PRKCA: variants seen among roughly 807,000 people sequenced by gnomAD.
PRKCA encodes protein kinase C alpha, also known as protein kinase C alpha type.
A neutral mutation model predicts 87.0 loss-of-function variants in PRKCA; 27 were observed. The ratio of observed to expected loss-of-function variants is 0.31; its 90% CI spans 0.23 to 0.43. The LOEUF (loss-of-function observed/expected upper bound fraction) is 0.43. PRKCA is among the 20% of genes least tolerant of loss of function. The probability of loss-of-function intolerance (pLI) is 1.00; values close to 1 mark genes in which losing one functional copy is unlikely to be tolerated. For synonymous variants in PRKCA, 329 were observed against 311.1 expected (o/e 1.06, Z -0.61); for missense variants, 518 against 852.3 (o/e 0.61, Z 4.88).
chr17:66,403,595 T>A (rs1911165112), intron 2 of PRKCA: 1 of 152,170 alleles, frequency 6.6e-6, no homozygotes, highest in Non-Finnish European at 1.5e-5. Flanking sequence ...TAAGTGAAAG[T>A]TTTTTTCAGG....
intron 2 of PRKCA, among the ~76,000 whole-genome samples, chr17:66,473,611 A>G (rs1002772943): frequency 6.6e-6 from 1 of 152,206 alleles, no homozygotes; most frequent in Non-Finnish European, 1.5e-5. Flanking sequence ...TAACTGCAGT[A>G]GCTACTATTA....
chr17:66,511,435 A>T (rs2144173474), intron 3 of PRKCA, among the ~76,000 whole-genome samples: 1 of 152,336 alleles, frequency 6.6e-6, no homozygotes, highest in South Asian at 2.1e-4. Flanking sequence ...TCTCTTTTGC[A>T]TTTGCTCAGT....
chr17:66,765,477 CATAT>C (rs200251171), intron 13 of PRKCA, among the ~76,000 whole-genome samples: 1 of 45,966 alleles, frequency 2.2e-5, no homozygotes, highest in East Asian at 4.9e-4. Context: ...CATATTTGTC[CATAT>C]ATATATATTT....
In PRKCA at chr17:66,443,023, G is replaced by A. The variant is rs139647182; in HGVS notation, c.206-53178G>A. On this transcript the variant is annotated intron_variant, in intron 2 of 16. Transcript: ENST00000413366. The stretch of plus-strand genomic sequence containing the variant: ...GTCCCTTTTTTGGTTATCATCTGAC[G>A]TTTGTGCAGCTACACACATCATATC... Among the ~76,000 whole-genome samples, 22 of 152,264 alleles carry A rather than the reference G, an allele frequency of 1.4e-4. No individual in the cohort carries two copies. The East Asian group carries it at 3.1e-3, about 21-fold the overall frequency.
At chr17:66,335,689 A>G (rs1269537242) in intron 2 of PRKCA, among the ~76,000 whole-genome samples, 3 of 152,064 alleles carry the variant, frequency 2.0e-5, no homozygotes, top group Non-Finnish European at 2.9e-5. Flanking sequence ...CATTACATAT[A>G]TTTTGAAAAT....
At chr17:66,468,077 A>G (rs1915164917) in intron 2 of PRKCA, among the ~76,000 whole-genome samples, 1 of 152,262 alleles carries the variant, frequency 6.6e-6, no homozygotes, top group South Asian at 2.1e-4. Context: ...TATTTCTTCT[A>G]TGCAACTAAA....
In PRKCA at chr17:66,687,173, C is replaced by T; in HGVS notation, c.592C>T (p.Leu198=). The change falls in exon 6 of 17, where the codon CTG becomes TTG. Residue 198 remains leucine (L), a synonymous_variant. Transcript: ENST00000413366. ...CGGGCTTTCAGATCCTTATGTGAAG[C>T]TGAAACTTATTCCTGATCCCAAGAA... is the stretch of plus-strand genomic sequence containing the variant. ...PNGLSDPYVK[L]KLIPDPKNES... 5 of 1,613,952 alleles carry T rather than the reference C, an allele frequency of 3.1e-6. No individual in the cohort carries two copies. Among genetic ancestry groups the T allele is most frequent in the Non-Finnish European group, 4.2e-6 (5 of 1,179,850 alleles).
intron 3 of PRKCA, among the ~76,000 whole-genome samples, chr17:66,497,513 T>C (rs1403857997): frequency 6.8e-6 from 1 of 147,726 alleles, no homozygotes; most frequent in Admixed American, 6.7e-5. Flanking sequence ...AAAAAAAGGA[T>C]CCACAAAGGA....
intron 3 of PRKCA, among the ~76,000 whole-genome samples, chr17:66,521,106 T>C (rs1284432417): frequency 6.6e-6 from 1 of 151,974 alleles, no homozygotes; most frequent in African/African-American, 2.4e-5. Context: ...CTCCAACTAA[T>C]TTTGATTTGG....
In PRKCA at chr17:66,803,899, C is replaced by T; in HGVS notation, c.1881C>T (p.Asp627=). The change falls in exon 17 of 17, where the codon GAC becomes GAT. Residue 627 remains aspartate, a synonymous_variant. Coordinates refer to ENST00000413366, the MANE Select transcript of PRKCA (RefSeq NM_002737.3). The surrounding 1 kb of genome is among the most constrained non-coding windows in gnomAD (Gnocchi z 4.4). ...GTGGCAAAGGAGCAGAGAACTTTGA[C>T]AAGTTCTTCACACGAGGACAGCCCG... ...KVCGKGAENF[D]KFFTRGQPVL... The T allele has an allele frequency of 1.9e-6, 3 of 1,613,898 alleles. No homozygotes were observed. Among genetic ancestry groups the T allele is most frequent in the Non-Finnish European group, 2.5e-6 (3 of 1,179,876 alleles).
chr17:66,467,005 C>G (rs1337155537), intron 2 of PRKCA, among the ~76,000 whole-genome samples: 1 of 152,174 alleles, frequency 6.6e-6, no homozygotes, highest in Non-Finnish European at 1.5e-5. Flanking sequence ...TGCTCATATT[C>G]AAACTGAACC....
At chr17:66,688,539 A>G (rs1444178317) in intron 7 of PRKCA, 103 bp downstream of exon 7, 10 of 1,445,070 alleles carry the variant, frequency 6.9e-6, no homozygotes, top group Non-Finnish European at 7.6e-6. Context: ...ATGGTGCCTC[A>G]TGCTTGTAAT....
intron 2 of PRKCA, among the ~76,000 whole-genome samples, chr17:66,391,877 G>A (rs1280936344): frequency 2.6e-5 from 4 of 151,944 alleles, no homozygotes; most frequent in South Asian, 2.1e-4. Context: ...CTAGATCATC[G>A]GAAAGTAGGC....
At chr17:66,660,957 C>G (rs558166435) in intron 5 of PRKCA, among the ~76,000 whole-genome samples, 8 of 152,104 alleles carry the variant, frequency 5.3e-5, no homozygotes, top group African/African-American at 1.4e-4. Context: ...CCAACCCACT[C>G]AGGTAGAAGG....
intron 8 of PRKCA, chr17:66,703,866 C>A (rs1281465646): frequency 6.6e-6 from 1 of 151,676 alleles, no homozygotes; most frequent in African/African-American, 2.4e-5. Flanking sequence ...ATACATAAAC[C>A]AGTTATATAG....
chr17:66,630,140 G>A (rs1970971176), intron 3 of PRKCA, among the ~76,000 whole-genome samples: 1 of 152,090 alleles, frequency 6.6e-6, no homozygotes, highest in Non-Finnish European at 1.5e-5. Flanking sequence ...AAAGTAGTCA[G>A]TACCCCCAAT....
intron 5 of PRKCA, among the ~76,000 whole-genome samples, chr17:66,683,487 C>T (rs944533546): frequency 1.3e-5 from 2 of 151,996 alleles, no homozygotes; most frequent in African/African-American, 4.8e-5. Flanking sequence ...AAGGTGGGGC[C>T]CAGGGATCAG....
chr17:66,334,249 AAAAAC>A (rs1301585789), intron 2 of PRKCA, among the ~76,000 whole-genome samples: 13 of 152,184 alleles, frequency 8.5e-5, no homozygotes, highest in African/African-American at 1.2e-4. Flanking sequence ...AACTAGGTCA[AAAAAC>A]AAAACAAAAC....
At position 66,806,003 on chromosome 17, in the gene PRKCA, T is replaced by G. The variant is rs1021324062; in HGVS notation, c.*1966T>G. 6.6e-6 allele frequency: 1 copy of G among 152,242 alleles called. No individual in the cohort carries two copies. Among genetic ancestry groups the G allele is most frequent in the African/African-American group, 2.4e-5 (1 of 41,456 alleles). 9.4% of individuals were successfully genotyped at this position (152,242 alleles called of 1,614,324 possible). On this transcript the variant is annotated 3_prime_UTR_variant, in exon 17 of 17. Transcript: ENST00000413366. ...GCCGTGCCCTGCAGGCACCAGCACGTGCTTTTCAGAGGCTGCGGACTTTCT... is the reference window on the plus strand; with the variant it reads ...GCCGTGCCCTGCAGGCACCAGCACGGGCTTTTCAGAGGCTGCGGACTTTCT...
Sources: allele counts gnomAD v4.1 joint callset (sites outside exome capture counted in the v4.1 genomes callset), GRCh38; gene constraint gnomAD v4.1.1; non-coding constraint Gnocchi (gnomAD v3.1); transcripts MANE v1.5; gene names NCBI Gene and HGNC (gene_info 2026-07-23, HGNC 2026-07-21).